EPHB2: variants seen among roughly 807,000 people sequenced by gnomAD.
EPHB2 encodes ephrin type-B receptor 2.
Under a neutral mutation model 96.4 loss-of-function variants are expected in EPHB2, and 18 were observed. The ratio of observed to expected loss-of-function variants is 0.19; its 90% confidence interval spans 0.13 to 0.28. EPHB2 has a LOEUF of 0.28. EPHB2 is among the 10% of genes least tolerant of loss of function. EPHB2 has a pLI of 1.00. For synonymous variants in EPHB2, 506 were observed against 534.1 expected (o/e 0.95, Z 0.72); for missense variants, 989 against 1,355.4 (o/e 0.73, Z 4.25).
At chr1:22,904,995 A>T (rs1432560464) in intron 9 of EPHB2, among the ~76,000 whole-genome samples, 1 of 152,188 alleles carries the variant, frequency 6.6e-6, no homozygotes, top group Non-Finnish European at 1.5e-5. Flanking sequence ...GGAGAATGTG[A>T]GCAGGATGCT....
chr1:22,725,114 A>G (rs1233002710), intron 1 of EPHB2, among the ~76,000 whole-genome samples: 1 of 151,894 alleles, frequency 6.6e-6, no homozygotes, highest in Non-Finnish European at 1.5e-5. Flanking sequence ...CATACCATGT[A>G]TAGGTTTCTC....
In EPHB2 at chr1:22,851,253, C is replaced by T. The variant is rs148121080; in HGVS notation, c.812-11784C>T. 2.6e-3 allele frequency among the ~76,000 whole-genome samples: 392 copies of T among 152,352 alleles called. 4 individuals are homozygous for T. The highest frequency in any genetic ancestry group is 9.1e-3 in the African/African-American group (377 of 41,590). On this transcript the variant is annotated intron_variant, in intron 3 of 15. Transcript: ENST00000374630. ...GCTCAAGCGATCCTCCCGCCTTGGC[C>T]TCCCAAAGTGCTGGGATTACAGGTG...
intron 2 of EPHB2, among the ~76,000 whole-genome samples, chr1:22,782,655 C>T (rs980177004): frequency 2.6e-5 from 4 of 152,082 alleles, no homozygotes; most frequent in African/African-American, 4.8e-5. Context: ...GCAGGGCCTC[C>T]GCATGTTAAT....
At chr1:22,734,250 A>G (rs995397200) in intron 1 of EPHB2, among the ~76,000 whole-genome samples, 1 of 152,158 alleles carries the variant, frequency 6.6e-6, no homozygotes, top group Admixed American at 6.5e-5. Context: ...CCCCCGGCAC[A>G]GCCCATGCAC....
At chr1:22,899,452 G>A (rs1229926316) in intron 9 of EPHB2, among the ~76,000 whole-genome samples, 4 of 152,048 alleles carry the variant, frequency 2.6e-5, no homozygotes, top group African/African-American at 7.2e-5. Context: ...AGTGAGCCGA[G>A]ATCATGCCAT....
chr1:22,808,903 A>G (rs1418595045), intron 3 of EPHB2, among the ~76,000 whole-genome samples: 1 of 152,162 alleles, frequency 6.6e-6, no homozygotes, highest in East Asian at 1.9e-4. Flanking sequence ...CCTGTCCTCC[A>G]TCGTCATGGG....
intron 1 of EPHB2, among the ~76,000 whole-genome samples, chr1:22,720,671 C>G (rs565133380): frequency 8.4e-5 from 10 of 119,236 alleles, no homozygotes; most frequent in South Asian, 4.8e-4. Flanking sequence ...CCCCCCCCCC[C>G]CCGCCCCAGC....
intron 3 of EPHB2, among the ~76,000 whole-genome samples, chr1:22,796,723 A>G (rs1040996051): frequency 7.9e-5 from 12 of 152,212 alleles, no homozygotes; most frequent in African/African-American, 2.9e-4. Flanking sequence ...ATCTACTTGT[A>G]AGTAACAGAA....
chr1:22,756,175 T>C (rs1644146747), intron 1 of EPHB2, among the ~76,000 whole-genome samples: 1 of 151,740 alleles, frequency 6.6e-6, no homozygotes, highest in Admixed American at 6.6e-5. Flanking sequence ...AGGAATTCCG[T>C]GGGAAGAAGC....
In EPHB2 at chr1:22,712,381, C is replaced by T. The variant is rs76562628; in HGVS notation, c.61+1338C>T. Among the ~76,000 whole-genome samples the T allele has an allele frequency of 3.8e-3, 580 of 152,302 alleles. 15 individuals carry two copies. In the East Asian group the frequency reaches 0.066, roughly 17 times the overall value. ...CCTTCCAGGGTTCTGCTCCCTTGGGCTTAGGGATGATGTCTGTGTGCACCT... is the reference window on the plus strand; with the variant it reads ...CCTTCCAGGGTTCTGCTCCCTTGGGTTTAGGGATGATGTCTGTGTGCACCT... On this transcript the variant is annotated intron_variant, in intron 1 of 15. Coordinates refer to ENST00000374630, the MANE Select transcript of EPHB2 (RefSeq NM_017449.5).
chr1:22,858,073 G>A lies in EPHB2; in HGVS notation c.812-4964G>A, dbSNP rs548954063. On this transcript the variant is annotated intron_variant, in intron 3 of 15. Transcript: ENST00000374630. This position sits in a 1 kb window ranked among gnomAD's most constrained non-coding sequence, Gnocchi z 7.7. ...CCAGGGTGGTCAGGGTGGGCCTCTC[G>A]GAGGAGGTGGCATTTAAGCTGGGGT... Among the ~76,000 whole-genome samples the A allele has an allele frequency of 8.5e-5, 13 of 152,176 alleles. No individual in the cohort carries two copies. The highest frequency in any genetic ancestry group is 2.1e-4 in the South Asian group (1 of 4,808).
intron 9 of EPHB2, among the ~76,000 whole-genome samples, chr1:22,903,843 A>G (rs1270120605): frequency 6.6e-6 from 1 of 152,202 alleles, no homozygotes; most frequent in Non-Finnish European, 1.5e-5. Context: ...AAATCAGAAA[A>G]AAAACATGTG....
chr1:22,815,477 T>C (rs181661931), intron 3 of EPHB2, among the ~76,000 whole-genome samples: 226 of 152,336 alleles, frequency 1.5e-3, no homozygotes, highest in African/African-American at 5.1e-3. Flanking sequence ...CAGGCCACCA[T>C]GAAGCTTCTC....
At chr1:22,852,208 T>C (rs573281889) in intron 3 of EPHB2, among the ~76,000 whole-genome samples, 1 of 152,300 alleles carries the variant, frequency 6.6e-6, no homozygotes, top group African/African-American at 2.4e-5. Context: ...GAAAGAGCCA[T>C]TGAATGAATG....
rs925535825 is a variant in EPHB2 at position 22,781,274 on chromosome 1, C to T, written c.62-147C>T. The T allele has an allele frequency of 2.6e-5, 19 of 739,886 alleles. No individual in the cohort carries two copies. The East Asian group carries it at 4.7e-4, about 18-fold the overall frequency. The allele number at this position is 739,886 out of a possible 1,614,324, so 45.8% of individuals were successfully genotyped here. A position where few individuals can be genotyped will look rare whatever the true frequency, so the allele number is the denominator to read the frequency against. ...GGCGGAGCTTGCAGTGAGCCGAGATCACACCACTGCACTCCAGCCTGGGCG... is the reference window on the plus strand; with the variant it reads ...GGCGGAGCTTGCAGTGAGCCGAGATTACACCACTGCACTCCAGCCTGGGCG... On this transcript the variant is annotated intron_variant, in intron 1 of 15. Coordinates refer to ENST00000374630, the MANE Select transcript of EPHB2 (RefSeq NM_017449.5).
chr1:22,843,036 G>T (rs1375955754), intron 3 of EPHB2, among the ~76,000 whole-genome samples: 1 of 152,058 alleles, frequency 6.6e-6, no homozygotes, highest in Non-Finnish European at 1.5e-5. Context: ...TAGCTGTTTT[G>T]CTTGTGGCTG....
At chr1:22,755,032 C>G (rs1644127928) in intron 1 of EPHB2, among the ~76,000 whole-genome samples, 1 of 150,682 alleles carries the variant, frequency 6.6e-6, no homozygotes. Flanking sequence ...GCCCCCCTCT[C>G]CTGCTCTTTG....
intron 9 of EPHB2, among the ~76,000 whole-genome samples, chr1:22,898,603 G>A (rs1211439739): frequency 1.3e-5 from 2 of 152,172 alleles, no homozygotes; most frequent in Non-Finnish European, 2.9e-5. Flanking sequence ...TGAGCAGAGG[G>A]ATGACATGCT....
At chr1:22,822,485 C>G (rs1235774787) in intron 3 of EPHB2, among the ~76,000 whole-genome samples, 1 of 152,244 alleles carries the variant, frequency 6.6e-6, no homozygotes, top group Non-Finnish European at 1.5e-5. Context: ...CTGAAGTCAT[C>G]TAGCCCCTAA....
Sources: allele counts gnomAD v4.1 joint callset (sites outside exome capture counted in the v4.1 genomes callset), GRCh38; gene constraint gnomAD v4.1.1; non-coding constraint Gnocchi (gnomAD v3.1); transcripts MANE v1.5; gene names NCBI Gene and HGNC (gene_info 2026-07-23, HGNC 2026-07-21).